CAMK4: variants seen among roughly 807,000 people sequenced by gnomAD.
CAMK4 encodes the protein calcium/calmodulin dependent protein kinase IV.
In CAMK4, 22 loss-of-function variants were observed where a neutral mutation model predicts 44.9. The observed-to-expected ratio is 0.49, with a 90% CI of 0.35 to 0.70. The LOEUF is 0.70. Ranked by LOEUF, CAMK4 falls within the 30% of genes least tolerant of loss-of-function variation. The pLI, the probability that CAMK4 is intolerant of heterozygous loss-of-function variation, is 0.01. For synonymous variants in CAMK4, 218 were observed against 215.4 expected (o/e 1.01, Z -0.11); for missense variants, 498 against 586.8 (o/e 0.85, Z 1.56).
chr5:111,477,535 T>C (rs565579170), intron 8 of CAMK4, among the ~76,000 whole-genome samples: 2 of 152,170 alleles, frequency 1.3e-5, no homozygotes, highest in African/African-American at 2.4e-5. Context: ...ATTTTAGAAC[T>C]TCCACCCGTC....
chr5:111,448,803 TAAACAAAC>T (rs1354863582), intron 6 of CAMK4, among the ~76,000 whole-genome samples: 1 of 152,116 alleles, frequency 6.6e-6, no homozygotes, highest in Non-Finnish European at 1.5e-5. Flanking sequence ...AGATTCTATC[TAAACAAAC>T]AAACAAACAA....
intron 1 of CAMK4, among the ~76,000 whole-genome samples, chr5:111,252,732 C>T (rs1054544238): frequency 3.3e-5 from 5 of 152,180 alleles, no homozygotes; most frequent in African/African-American, 1.2e-4. Context: ...ATTTGTGACT[C>T]ACTACATTTT....
At chr5:111,353,633 T>G (rs1410085502) in intron 2 of CAMK4, among the ~76,000 whole-genome samples, 1 of 152,130 alleles carries the variant, frequency 6.6e-6, no homozygotes, top group Non-Finnish European at 1.5e-5. Flanking sequence ...ACATAAGAAC[T>G]GATAAATCAT....
At chr5:111,233,014 A>G (rs1379747397) in intron 1 of CAMK4, among the ~76,000 whole-genome samples, 1 of 152,230 alleles carries the variant, frequency 6.6e-6, no homozygotes, top group Non-Finnish European at 1.5e-5. Flanking sequence ...GTCATTTATG[A>G]CAGTAAAATT....
intron 4 of CAMK4, among the ~76,000 whole-genome samples, chr5:111,388,072 A>G (rs1751668503): frequency 6.6e-6 from 1 of 152,160 alleles, no homozygotes; most frequent in African/African-American, 2.4e-5. Context: ...ACCCTGTGAC[A>G]ATCTGTTTAA....
chr5:111,332,908 A>G (rs1342278700), intron 1 of CAMK4, among the ~76,000 whole-genome samples: 3 of 151,848 alleles, frequency 2.0e-5, no homozygotes, highest in South Asian at 2.1e-4. Flanking sequence ...AATGTCCATC[A>G]AAGTCATACT....
Position 111,484,329 on chromosome 5 carries a change from G to A in CAMK4, c.1285G>A (p.Asp429Asn). ...AGTGGAGGATGGGATAAAGGTGGCT[G>A]ACCTGGAACTAGAGGAGGGCCTAGC... is the stretch of plus-strand genomic sequence containing the variant. Reference protein sequence around the residue: ...KAVEDGIKVADLELEEGLAEE... With the variant: ...KAVEDGIKVANLELEEGLAEE... Residue 429 changes from aspartate (D) to asparagine (N), a missense_variant, in exon 11 of 11, where the codon GAC becomes AAC. Physicochemically the swap from Asp to Asn is conservative, Grantham distance 23. Transcript: ENST00000282356. The surrounding 1 kb of genome is among the most constrained non-coding windows in gnomAD (Gnocchi z 5.3). 1 of 1,613,892 alleles carries A rather than the reference G, an allele frequency of 6.2e-7. No homozygotes were observed. Among genetic ancestry groups the A allele is most frequent in the South Asian group, 1.1e-5 (1 of 91,026 alleles).
In CAMK4 at chr5:111,334,801, A is replaced by T. The variant is rs1348678755; in HGVS notation, c.162-9223A>T. Among the ~76,000 whole-genome samples the T allele has an allele frequency of 5.9e-5, 7 of 118,734 alleles. No homozygotes were observed. The South Asian group carries it at 1.5e-3, about 26-fold the overall frequency. 77.9% of individuals were successfully genotyped at this position (118,734 alleles called of 152,430 possible). Reference sequence around the variant, plus strand: ...TGAAAACAAAAACTTTAACAATCAAATGCAAAAACAAAAGAATAAAATCAA... The same window carrying T: ...TGAAAACAAAAACTTTAACAATCAATTGCAAAAACAAAAGAATAAAATCAA... On this transcript the variant is annotated intron_variant, in intron 1 of 10. Coordinates refer to ENST00000282356, the MANE Select transcript of CAMK4 (RefSeq NM_001744.6).
At chr5:111,446,857 T>C in intron 6 of CAMK4, 81 bp downstream of exon 6, 1 of 817,296 alleles carries the variant, frequency 1.2e-6, no homozygotes, top group Non-Finnish European at 2.2e-6. Flanking sequence ...TAAATATTGC[T>C]CCATCCAGTT....
intron 1 of CAMK4, among the ~76,000 whole-genome samples, chr5:111,241,583 C>G (rs1377992371): frequency 1.3e-5 from 2 of 152,096 alleles, no homozygotes; most frequent in African/African-American, 4.8e-5. Context: ...CTAGCTCACC[C>G]TTGGGGAAAA....
chr5:111,312,510 A>G (rs543135165), intron 1 of CAMK4, among the ~76,000 whole-genome samples: 1 of 152,158 alleles, frequency 6.6e-6, no homozygotes, highest in Non-Finnish European at 1.5e-5. Flanking sequence ...TTGTATTCCA[A>G]GAGACCTGAA....
intron 5 of CAMK4, among the ~76,000 whole-genome samples, chr5:111,437,235 G>A (rs1753676894): frequency 6.6e-6 from 1 of 152,196 alleles, no homozygotes; most frequent in African/African-American, 2.4e-5. Context: ...TTGCCACGAT[G>A]TAAGCACAGC....
At chr5:111,282,021 T>C (rs1580526710) in intron 1 of CAMK4, among the ~76,000 whole-genome samples, 2 of 150,332 alleles carry the variant, frequency 1.3e-5, no homozygotes, top group South Asian at 2.1e-4. Flanking sequence ...ATTGCGCCAC[T>C]GCACTCCAGC....
At position 111,327,963 on chromosome 5, in the gene CAMK4, C is replaced by G. The variant is rs1231921320; in HGVS notation, c.162-16061C>G. 2.5e-3 allele frequency among the ~76,000 whole-genome samples: 260 copies of G among 103,996 alleles called. 74 individuals are homozygous for G. Among genetic ancestry groups the G allele is most frequent in the African/African-American group, 0.011 (234 of 21,574 alleles). The allele number at this position is 103,996 out of a possible 152,430, so 68.2% of individuals were successfully genotyped here. ...AATTTTCTCCCATGTCGTAGGTTGC[C>G]TGTTCACTCTGATGGTAGTTTCTTT... On this transcript the variant is annotated intron_variant, in intron 1 of 10. Coordinates refer to ENST00000282356, the MANE Select transcript of CAMK4 (RefSeq NM_001744.6).
At chr5:111,457,636 T>C (rs2112994636) in intron 7 of CAMK4, among the ~76,000 whole-genome samples, 1 of 152,300 alleles carries the variant, frequency 6.6e-6, no homozygotes, top group African/African-American at 2.4e-5. Flanking sequence ...AAACAGAAAG[T>C]TGGGTTAGCC....
At chr5:111,483,019 C>T (rs1444802314) in intron 10 of CAMK4, 82 bp downstream of exon 10, 3 of 1,145,564 alleles carry the variant, frequency 2.6e-6, no homozygotes, top group Non-Finnish European at 2.4e-6. Context: ...ATAGTTCTAC[C>T]GTTCTTCATC....
At chr5:111,234,234 A>G (rs578010022) in intron 1 of CAMK4, among the ~76,000 whole-genome samples, 10 of 152,328 alleles carry the variant, frequency 6.6e-5, no homozygotes, top group African/African-American at 2.2e-4. Flanking sequence ...ATAAATATGC[A>G]AACAAAAAAT....
At chr5:111,230,047 C>G (rs1454120816) in intron 1 of CAMK4, among the ~76,000 whole-genome samples, 1 of 152,102 alleles carries the variant, frequency 6.6e-6, no homozygotes, top group Non-Finnish European at 1.5e-5. Context: ...AGCATGTGTA[C>G]CCGCTTCCTC....
intron 2 of CAMK4, among the ~76,000 whole-genome samples, chr5:111,351,256 T>A (rs1750091335): frequency 6.6e-6 from 1 of 152,132 alleles, no homozygotes; most frequent in Non-Finnish European, 1.5e-5. Context: ...TATGTTTGAA[T>A]CTAGATGTAC....
Sources: gnomAD v4.1 joint callset for allele counts (sites outside exome capture counted in the v4.1 genomes callset) on GRCh38, gnomAD v4.1.1 for gene constraint, Gnocchi (gnomAD v3.1) non-coding constraint, MANE v1.5 for transcripts, NCBI Gene and HGNC (gene_info 2026-07-23, HGNC 2026-07-21) for gene names.